Variants in DIP2C observed in about 807,000 individuals in gnomAD.
DIP2C encodes DIP2 acetate--CoA ligase C (putative).
In DIP2C, 33 loss-of-function variants were observed where a neutral mutation model predicts 192.4. That is an observed-to-expected ratio of 0.17 (90% CI 0.13 to 0.23). The LOEUF (loss-of-function observed/expected upper bound fraction) is 0.23, where lower values mean the gene tolerates loss of function less well. Ranked by LOEUF, DIP2C falls within the 10% of genes least tolerant of loss-of-function variation. The pLI is 1.00. For synonymous variants in DIP2C, 979 were observed against 864.1 expected (o/e 1.13, Z -2.33); for missense variants, 1,537 against 2,110.1 (o/e 0.73, Z 5.32).
Position 561,336 on chromosome 10 carries a change from C to G in DIP2C, c.86-74806G>C, listed in dbSNP as rs140268174. ...ATGGATTGGAGGCAGCAATTGCCCA[C>G]TGTACGAGAAGTCTCTGCAGACTGA... On this transcript the variant is annotated intron_variant, in intron 1 of 36. Coordinates refer to ENST00000280886, the MANE Select transcript of DIP2C (RefSeq NM_014974.3). 2.7e-4 allele frequency among the ~76,000 whole-genome samples: 41 copies of G among 152,332 alleles called. 1 individual carries two copies. The highest frequency in any genetic ancestry group is 4.3e-4 in the Non-Finnish European group (29 of 68,030).
rs548240980 is a variant in DIP2C, at chr10:295,539, C to T, written c.3987-7118G>A. ...TAGCGCCACTGCAGTCCCACCTGGG[C>T]GAAAGAACGAGACTCCATCTCAAAA... On this transcript the variant is annotated intron_variant, in intron 32 of 36. Transcript: ENST00000280886. Among the ~76,000 whole-genome samples, 17 of 95,718 alleles carry T rather than the reference C, an allele frequency of 1.8e-4. No homozygotes were observed. The East Asian group carries it at 4.6e-3, about 26-fold the overall frequency. The allele number at this position is 95,718 out of a possible 152,430, so 62.8% of individuals were successfully genotyped here.
intron 1 of DIP2C, among the ~76,000 whole-genome samples, chr10:589,019 A>G (rs1380372490): frequency 6.6e-6 from 1 of 152,158 alleles, no homozygotes; most frequent in East Asian, 1.9e-4. Flanking sequence ...ACCTTCCATC[A>G]GCCGCTCCAG....
intron 9 of DIP2C, among the ~76,000 whole-genome samples, chr10:407,261 G>T (rs767976259): frequency 6.6e-5 from 10 of 152,168 alleles, no homozygotes; most frequent in Non-Finnish European, 1.5e-4. Flanking sequence ...ACTTTACTAG[G>T]CATAGTATCT....
At chr10:397,524 T>A (rs1441521859) in intron 10 of DIP2C, among the ~76,000 whole-genome samples, 2 of 90,836 alleles carry the variant, frequency 2.2e-5, no homozygotes, top group Admixed American at 1.0e-4. Context: ...AGCGACTCCA[T>A]CTCAAAAAAA....
chr10:622,282 G>A (rs1588623810), intron 1 of DIP2C, among the ~76,000 whole-genome samples: 2 of 104,384 alleles, frequency 1.9e-5, no homozygotes, highest in Admixed American at 9.1e-5. Context: ...GGGGAGGGAG[G>A]AGGGGGAGGG....
At chr10:450,270 T>C (rs1448792875) in intron 3 of DIP2C, among the ~76,000 whole-genome samples, 2 of 152,084 alleles carry the variant, frequency 1.3e-5, no homozygotes, top group African/African-American at 2.4e-5. Flanking sequence ...CGTGTTGCAT[T>C]TGAATGACTT....
intron 6 of DIP2C, among the ~76,000 whole-genome samples, chr10:417,294 G>A (rs760698135): frequency 6.6e-6 from 1 of 152,166 alleles, no homozygotes; most frequent in Non-Finnish European, 1.5e-5. Flanking sequence ...GGATTCTGGT[G>A]TGGGAGGCTA....
At chr10:511,759 G>A (rs556427946) in intron 1 of DIP2C, among the ~76,000 whole-genome samples, 1 of 152,314 alleles carries the variant, frequency 6.6e-6, no homozygotes, top group East Asian at 1.9e-4. Context: ...GAGCTAGAGA[G>A]AGACACAGAC....
At chr10:586,542 G>A (rs1459029712) in intron 1 of DIP2C, among the ~76,000 whole-genome samples, 1 of 152,240 alleles carries the variant, frequency 6.6e-6, no homozygotes, top group East Asian at 1.9e-4. Flanking sequence ...GCCTCCTCCG[G>A]GAGGCTGTGC....
intron 3 of DIP2C, among the ~76,000 whole-genome samples, chr10:450,678 A>ACCCC (rs901666645): frequency 6.6e-6 from 1 of 151,930 alleles, no homozygotes; most frequent in African/African-American, 2.4e-5. Context: ...CCACACCAAG[A>ACCCC]CCCCCAGGGT....
chr10:632,421 C>A (rs1044841685), intron 1 of DIP2C, among the ~76,000 whole-genome samples: 156 of 147,582 alleles, frequency 1.1e-3, no homozygotes, highest in African/African-American at 3.6e-3. Context: ...AGCACCGTAA[C>A]TGGAGACCAT....
intron 28 of DIP2C, among the ~76,000 whole-genome samples, chr10:342,996 A>G (rs1958232086): frequency 6.6e-6 from 1 of 152,254 alleles, no homozygotes; most frequent in Admixed American, 6.5e-5. Context: ...TTGCGGTTTT[A>G]AAACACGTCA....
chr10:422,813 A>T lies in DIP2C; in HGVS notation c.604+11T>A. On this transcript the variant is annotated intron_variant, in intron 5 of 36. Transcript: ENST00000280886. Reference sequence around the variant, plus strand: ...CAACAGGCACAGAAAGACACCGTGAAGCGTGCTCACCTATGTGGGTCTGAG... The same window carrying T: ...CAACAGGCACAGAAAGACACCGTGATGCGTGCTCACCTATGTGGGTCTGAG... 1 of 1,607,634 alleles carries T rather than the reference A, an allele frequency of 6.2e-7. No individual in the cohort carries two copies. Among genetic ancestry groups the T allele is most frequent in the Non-Finnish European group, 8.5e-7 (1 of 1,178,368 alleles).
chr10:515,301 T>C (rs1282137032), intron 1 of DIP2C, among the ~76,000 whole-genome samples: 1 of 152,228 alleles, frequency 6.6e-6, no homozygotes, highest in African/African-American at 2.4e-5. Context: ...TGAGGTAGAT[T>C]GTGGCCTATA....
chr10:522,568 C>T lies in DIP2C; in HGVS notation c.86-36038G>A, dbSNP rs112008464. ...CACGCCCACCAGCACGCGGCGGTGT[C>T]GCAGTTCCAGTTTTGGCCAGGCTGC... On this transcript the variant is annotated intron_variant, in intron 1 of 36. Transcript: ENST00000280886. 2.1e-3 allele frequency among the ~76,000 whole-genome samples: 315 copies of T among 152,338 alleles called. 1 individual carries two copies. Among genetic ancestry groups the T allele is most frequent in the African/African-American group, 7.1e-3 (294 of 41,576 alleles).
At chr10:669,938 T>C (rs1857341287) in intron 1 of DIP2C, among the ~76,000 whole-genome samples, 1 of 152,192 alleles carries the variant, frequency 6.6e-6, no homozygotes, top group South Asian at 2.1e-4. Context: ...ATTTCCATTG[T>C]TTTTAGGGAT....
intron 1 of DIP2C, among the ~76,000 whole-genome samples, chr10:507,222 C>T (rs140985981): frequency 5.5e-4 from 83 of 151,350 alleles, no homozygotes; most frequent in South Asian, 1.1e-3. Flanking sequence ...CCTGGTCACC[C>T]GCTGTGCACA....
intron 28 of DIP2C, among the ~76,000 whole-genome samples, chr10:342,926 T>C (rs994266981): frequency 2.6e-5 from 4 of 152,222 alleles, no homozygotes; most frequent in African/African-American, 9.6e-5. Flanking sequence ...AGAAGCTTTC[T>C]AGCCAAACAA....
chr10:299,552 TAAAG>T (rs1589420854), intron 32 of DIP2C, among the ~76,000 whole-genome samples: 1 of 152,360 alleles, frequency 6.6e-6, no homozygotes, highest in East Asian at 1.9e-4. Flanking sequence ...TGTAGACTGT[TAAAG>T]GAACAGTCAT....
Sources: gnomAD v4.1 joint callset for allele counts (sites outside exome capture counted in the v4.1 genomes callset) on GRCh38, gnomAD v4.1.1 for gene constraint, MANE v1.5 for transcripts, NCBI Gene and HGNC (gene_info 2026-07-23, HGNC 2026-07-21) for gene names.